GALNT17: variants seen among roughly 807,000 people sequenced by gnomAD.
GALNT17 encodes polypeptide N-acetylgalactosaminyltransferase 17.
GALNT17 carries 29 observed loss-of-function variants against 63.7 expected under a neutral mutation model. The observed-to-expected ratio is 0.46, with a 90% CI of 0.34 to 0.62. GALNT17 has a LOEUF of 0.62. GALNT17 is among the 20% of genes least tolerant of loss of function. The pLI, the probability that GALNT17 is intolerant of heterozygous loss-of-function variation, is 0.01. For missense variants in GALNT17, 603 were observed against 799.6 expected (o/e 0.75, Z 2.97); for synonymous variants, 305 against 318.3 (o/e 0.96, Z 0.45).
chr7:71,179,484 A>T (rs1010420249), intron 1 of GALNT17, among the ~76,000 whole-genome samples: 7 of 152,204 alleles, frequency 4.6e-5, no homozygotes, highest in Non-Finnish European at 8.8e-5. Flanking sequence ...AAACTTTCTA[A>T]ATAAACTGAG....
At chr7:71,272,898 T>C (rs17522536) in intron 1 of GALNT17, among the ~76,000 whole-genome samples, 67,594 of 151,682 alleles carry the variant, frequency 0.45, 16,913 homozygotes, top group Non-Finnish European at 0.54. Context: ...GTTAATCATG[T>C]CTGCTTTTTC....
At position 71,187,282 on chromosome 7, in the gene GALNT17, C is replaced by CT. The variant is rs752197934; in HGVS notation, c.238+54245dup. Among the ~76,000 whole-genome samples, 369 of 141,078 alleles carry CT rather than the reference C, an allele frequency of 2.6e-3. 4 individuals carry two copies. The highest frequency in any genetic ancestry group is 0.013 in the South Asian group (57 of 4,496). The allele number at this position is 141,078 out of a possible 152,430, so 92.6% of individuals were successfully genotyped here. On this transcript the variant is annotated intron_variant, in intron 1 of 10. Coordinates refer to ENST00000333538, the MANE Select transcript of GALNT17 (RefSeq NM_022479.3). ...ATGCCACCATGCTTGGCTAATTTTT[C>CT]TTTCTTTTTTTTTTTTTTTGTAGAG...
intron 1 of GALNT17, among the ~76,000 whole-genome samples, chr7:71,187,677 T>C (rs1788877038): frequency 6.6e-6 from 1 of 152,154 alleles, no homozygotes; most frequent in African/African-American, 2.4e-5. Context: ...GTTGTCCTGG[T>C]CTGTGTGGGG....
intron 2 of GALNT17, among the ~76,000 whole-genome samples, chr7:71,385,107 G>A (rs1237354685): frequency 1.3e-5 from 2 of 152,120 alleles, no homozygotes; most frequent in African/African-American, 4.8e-5. Context: ...AGACTGAGGG[G>A]CATCACTGCA....
At chr7:71,636,906 G>A (rs760033933) in intron 6 of GALNT17, among the ~76,000 whole-genome samples, 19 of 152,124 alleles carry the variant, frequency 1.2e-4, no homozygotes, top group Non-Finnish European at 2.2e-4. Context: ...AGCTGGGGAC[G>A]AAAAGAAGAG....
chr7:71,511,743 G>C (rs1023018590), intron 5 of GALNT17, among the ~76,000 whole-genome samples: 4 of 152,138 alleles, frequency 2.6e-5, no homozygotes, highest in Admixed American at 6.6e-5. Context: ...TAGTTGGGCA[G>C]TGCACAACCT....
intron 1 of GALNT17, among the ~76,000 whole-genome samples, chr7:71,138,835 C>T (rs751462169): frequency 2.7e-4 from 41 of 152,130 alleles, no homozygotes; most frequent in Admixed American, 5.2e-4. Context: ...AGTAGCAGGG[C>T]GTGGTGGCTG....
At chr7:71,188,890 G>C (rs1038185361) in intron 1 of GALNT17, among the ~76,000 whole-genome samples, 6 of 152,328 alleles carry the variant, frequency 3.9e-5, no homozygotes, top group South Asian at 2.1e-4. Flanking sequence ...TGAGAGAATA[G>C]GAGAGAGCTT....
At chr7:71,628,966 A>G (rs1584100279) in intron 6 of GALNT17, among the ~76,000 whole-genome samples, 1 of 151,964 alleles carries the variant, frequency 6.6e-6, no homozygotes, top group Non-Finnish European at 1.5e-5. Context: ...AAAGCTTACC[A>G]TTTGCATCTG....
In GALNT17 at chr7:71,349,344, T is replaced by TG. The variant is rs1792151248; in HGVS notation, c.422+13612dup. ...ATTAATGGGAGAGCCACGTGTGCGC[T>TG]GTGCAGGGAGAAAGGCTCATCAGTA... is the stretch of plus-strand genomic sequence containing the variant. On this transcript the variant is annotated intron_variant, in intron 2 of 10. Coordinates refer to ENST00000333538, the MANE Select transcript of GALNT17 (RefSeq NM_022479.3). 2.6e-5 allele frequency among the ~76,000 whole-genome samples: 4 copies of TG among 152,170 alleles called. No homozygotes were observed. The South Asian group carries it at 8.3e-4, about 32-fold the overall frequency.
At chr7:71,193,625 C>G (rs571165150) in intron 1 of GALNT17, among the ~76,000 whole-genome samples, 3 of 152,054 alleles carry the variant, frequency 2.0e-5, no homozygotes, top group Non-Finnish European at 2.9e-5. Flanking sequence ...TCACAACACC[C>G]GGCCAACTCC....
chr7:71,166,584 T>C (rs1227218594), intron 1 of GALNT17, among the ~76,000 whole-genome samples: 1 of 152,328 alleles, frequency 6.6e-6, no homozygotes, highest in East Asian at 1.9e-4. Context: ...CTTTCTAGAG[T>C]TTAACATACA....
intron 5 of GALNT17, among the ~76,000 whole-genome samples, chr7:71,495,775 G>A (rs888476396): frequency 3.3e-5 from 5 of 152,138 alleles, no homozygotes; most frequent in Non-Finnish European, 5.9e-5. Flanking sequence ...ACATATCATG[G>A]CCACTTTCCC....
At chr7:71,265,118 A>ATATATATATATATTTT (rs1390488895) in intron 1 of GALNT17, among the ~76,000 whole-genome samples, 1 of 37,452 alleles carries the variant, frequency 2.7e-5, no homozygotes, top group Non-Finnish European at 6.8e-5. Context: ...ATATATATAT[A>ATATATATATATATTTT]TTTTTTTTTT....
chr7:71,435,947 G>T (rs1786953262), intron 5 of GALNT17, among the ~76,000 whole-genome samples: 1 of 149,978 alleles, frequency 6.7e-6, no homozygotes, highest in Non-Finnish European at 1.5e-5. Context: ...GTGAACCTGG[G>T]AGGTGGAGCT....
At chr7:71,243,551 T>G (rs546872089) in intron 1 of GALNT17, among the ~76,000 whole-genome samples, 3 of 152,160 alleles carry the variant, frequency 2.0e-5, no homozygotes, top group Non-Finnish European at 4.4e-5. Flanking sequence ...CCTTTGCTAT[T>G]GTTTCTCTTT....
chr7:71,155,946 C>CAAGCATGCCTTGGG (rs1788227518), intron 1 of GALNT17, among the ~76,000 whole-genome samples: 1 of 151,882 alleles, frequency 6.6e-6, no homozygotes, highest in Non-Finnish European at 1.5e-5. Flanking sequence ...CCTGTAATCC[C>CAAGCATGCCTTGGG]AGCACTTTGG....
intron 1 of GALNT17, among the ~76,000 whole-genome samples, chr7:71,240,630 G>A (rs1789975753): frequency 6.6e-6 from 1 of 151,584 alleles, no homozygotes; most frequent in African/African-American, 2.4e-5. Context: ...TGCCTGTCTA[G>A]TATTCCATGG....
At chr7:71,160,660 T>C (rs888961509) in intron 1 of GALNT17, among the ~76,000 whole-genome samples, 1 of 152,068 alleles carries the variant, frequency 6.6e-6, no homozygotes, top group Non-Finnish European at 1.5e-5. Context: ...GGTTTTTCCA[T>C]GTTGGTCAGG....
Sources: allele counts gnomAD v4.1 joint callset (sites outside exome capture counted in the v4.1 genomes callset), GRCh38; gene constraint gnomAD v4.1.1; transcripts MANE v1.5; gene names NCBI Gene and HGNC (gene_info 2026-07-23, HGNC 2026-07-21).